Variants in TRIM25 observed in about 807,000 individuals in gnomAD.
TRIM25 encodes the protein tripartite motif containing 25.
In TRIM25, 45 loss-of-function variants were observed where a neutral mutation model predicts 65.2. The ratio of observed to expected loss-of-function variants is 0.69; its 90% CI spans 0.54 to 0.89. The LOEUF is 0.89. TRIM25 is among the 40% of genes least tolerant of loss of function. The pLI is 0.00. For synonymous variants in TRIM25, 321 were observed against 340.4 expected (o/e 0.94, Z 0.63); for missense variants, 714 against 803.7 (o/e 0.89, Z 1.35).
chr17:56,908,363 G>T, intron 2 of TRIM25, 105 bp downstream of exon 2: 2 of 1,064,500 alleles, frequency 1.9e-6, no homozygotes. Context: ...GACACTGTGA[G>T]TGCACCCAAC....
chr17:56,909,682 C>CT, intron 1 of TRIM25, among the ~76,000 whole-genome samples: 1 of 66,336 alleles, frequency 1.5e-5, no homozygotes, highest in Non-Finnish European at 2.9e-5. Context: ...GAGACCCTGT[C>CT]TCAAAAAAAA....
At chr17:56,895,781 C>A in intron 6 of TRIM25, 145 bp downstream of exon 6, 1 of 1,240,192 alleles carries the variant, frequency 8.1e-7, no homozygotes, top group South Asian at 1.5e-5. Flanking sequence ...TCCCCTCCAG[C>A]CTCAGGCCTG....
intron 3 of TRIM25, among the ~76,000 whole-genome samples, chr17:56,901,913 G>A (rs1909419957): frequency 6.6e-6 from 1 of 152,118 alleles, no homozygotes; most frequent in Non-Finnish European, 1.5e-5. Flanking sequence ...TCCAGCTAAA[G>A]GTGGAAAAGC....
rs1567837518 is a variant in TRIM25 at position 56,892,185 on chromosome 17, C to T, written c.1408G>A (p.Val470Met). 2 of 1,611,134 alleles carry T rather than the reference C, an allele frequency of 1.2e-6. No individual in the cohort carries two copies. The highest frequency in any genetic ancestry group is 2.2e-5 in the East Asian group (1 of 44,756). The part of the protein sequence containing the change: ...ILDYNTAHNK[V>M]ALSECYTVAS... ...ACTGTATAGCACTCTGACAGAGCCA[C>T]TTTGTTGTGGGCGGTGTTGTAGTCC... Residue 470 changes from valine to methionine, a missense_variant, in exon 9 of 9, where the codon GTG (valine) becomes ATG (methionine). By Grantham distance (21) the Val-to-Met change is conservative. Coordinates refer to ENST00000316881, the MANE Select transcript of TRIM25 (RefSeq NM_005082.5).
chr17:56,895,272 A>T, intron 8 of TRIM25, 71 bp downstream of exon 8: 1 of 1,269,738 alleles, frequency 7.9e-7, no homozygotes, highest in Non-Finnish European at 1.1e-6. Flanking sequence ...CTGGCCTCAC[A>T]GAGAGCTGCA....
chr17:56,897,343 T>A (rs1214667912), intron 5 of TRIM25, among the ~76,000 whole-genome samples: 2 of 152,054 alleles, frequency 1.3e-5, no homozygotes, highest in African/African-American at 4.8e-5. Flanking sequence ...CACCTGACAT[T>A]ACAGATAAGC....
intron 4 of TRIM25, among the ~76,000 whole-genome samples, chr17:56,899,897 T>C (rs1442740009): frequency 1.3e-5 from 2 of 152,166 alleles, no homozygotes; most frequent in Non-Finnish European, 2.9e-5. Flanking sequence ...CTGGACAACT[T>C]AGCGAGACCC....
At position 56,913,020 on chromosome 17, in the gene TRIM25, G is replaced by T. The variant is rs1291920115; in HGVS notation, c.597+372C>A. On this transcript the variant is annotated intron_variant, in intron 1 of 8. Coordinates refer to ENST00000316881, the MANE Select transcript of TRIM25 (RefSeq NM_005082.5). The surrounding 1 kb of genome is among the most constrained non-coding windows in gnomAD (Gnocchi z 6.1). ...GGTCCCAGCTACTTGGGAGGCTGTG[G>T]TCCCAGCTACTCTTGAGGCTGAGGT... 5.9e-6 allele frequency: 1 copy of T among 169,710 alleles called. No individual in the cohort carries two copies. The highest frequency in any genetic ancestry group is 1.3e-5 in the Non-Finnish European group (1 of 79,938). The allele number at this position is 169,710 out of a possible 1,614,324, so 10.5% of individuals were successfully genotyped here. A position where few individuals can be genotyped will look rare whatever the true frequency, so the allele number is the denominator to read the frequency against.
At position 56,913,504 on chromosome 17, in the gene TRIM25, C is replaced by A; in HGVS notation, c.485G>T (p.Arg162Leu). The change falls in exon 1 of 9, where the codon CGG becomes CTG. Residue 162 changes from arginine (R) to leucine (L), a missense_variant. Coordinates refer to ENST00000316881, the MANE Select transcript of TRIM25 (RefSeq NM_005082.5). The surrounding 1 kb of genome is among the most constrained non-coding windows in gnomAD (Gnocchi z 6.1). Reference protein sequence around the residue: ...LLRRKCSQHNRLREFFCPEHS... With the variant: ...LLRRKCSQHNLLREFFCPEHS... ...CTCGGGGCAGAAAAATTCCCGCAGCCGATTGTGCTGGGAACATTTGCGGCG... is the reference window on the plus strand; with the variant it reads ...CTCGGGGCAGAAAAATTCCCGCAGCAGATTGTGCTGGGAACATTTGCGGCG... 1 of 1,613,690 alleles carries A rather than the reference C, an allele frequency of 6.2e-7. No individual in the cohort carries two copies. The highest frequency in any genetic ancestry group is 8.5e-7 in the Non-Finnish European group (1 of 1,179,778).
chr17:56,899,623 C>T (rs891528858), intron 4 of TRIM25, among the ~76,000 whole-genome samples: 14 of 152,194 alleles, frequency 9.2e-5, no homozygotes, highest in Non-Finnish European at 1.9e-4. Flanking sequence ...TTTGCCCCCA[C>T]GCAGCACTTC....
intron 1 of TRIM25, among the ~76,000 whole-genome samples, chr17:56,911,626 C>T (rs536027632): frequency 9.9e-5 from 15 of 151,224 alleles, no homozygotes; most frequent in Non-Finnish European, 2.2e-4. Flanking sequence ...CATGGTAGCA[C>T]ACCTGTAGTT....
intron 8 of TRIM25, among the ~76,000 whole-genome samples, 156 bp from the exon 9 acceptor site, chr17:56,892,385 C>T (rs1208053110): frequency 6.6e-6 from 1 of 152,162 alleles, no homozygotes; most frequent in African/African-American, 2.4e-5. Flanking sequence ...ATCTGTCTGT[C>T]TATTCATCCA....
chr17:56,911,503 T>G (rs1053407076), intron 1 of TRIM25, among the ~76,000 whole-genome samples: 7 of 150,316 alleles, frequency 4.7e-5, no homozygotes, highest in African/African-American at 1.7e-4. Flanking sequence ...TCGCTTGAAC[T>G]CGGGAGGTGG....
rs537844316 is a variant in TRIM25 at position 56,900,471 on chromosome 17, G to A, written c.1087+948C>T. 1.2e-4 allele frequency among the ~76,000 whole-genome samples: 18 copies of A among 152,270 alleles called. No individual in the cohort carries two copies. The South Asian group carries it at 2.1e-3, about 18-fold the overall frequency. On this transcript the variant is annotated intron_variant, in intron 4 of 8. Coordinates refer to ENST00000316881, the MANE Select transcript of TRIM25 (RefSeq NM_005082.5). ...ATACGGGGATCCCAAGGAAGAATGC[G>A]ATACTACCCATGCAAGAGTCCCAAG...
intron 3 of TRIM25, among the ~76,000 whole-genome samples, chr17:56,903,851 G>A (rs1909464099): frequency 6.6e-6 from 1 of 152,172 alleles, no homozygotes; most frequent in Admixed American, 6.5e-5. Context: ...ATCAATCTGA[G>A]AGACAGCCAG....
At chr17:56,896,966 A>G (rs1342608611) in intron 5 of TRIM25, among the ~76,000 whole-genome samples, 1 of 151,996 alleles carries the variant, frequency 6.6e-6, no homozygotes, top group East Asian at 1.9e-4. Flanking sequence ...TGTTTTAATT[A>G]GCCTGGCTTA....
Position 56,889,656 on chromosome 17 carries a change from G to A in TRIM25, c.*2044C>T. ...CTATCCTGAGCTGCACATTTGCCAGGGAAGTGGCCTCACTGTTGCCCTCAT... is the reference window on the plus strand; with the variant it reads ...CTATCCTGAGCTGCACATTTGCCAGAGAAGTGGCCTCACTGTTGCCCTCAT... On this transcript the variant is annotated 3_prime_UTR_variant, in exon 9 of 9. Coordinates refer to ENST00000316881, the MANE Select transcript of TRIM25 (RefSeq NM_005082.5). 2.5e-6 allele frequency: 1 copy of A among 398,168 alleles called. No individual in the cohort carries two copies. The highest frequency in any genetic ancestry group is 4.4e-6 in the Non-Finnish European group (1 of 225,940). 24.7% of individuals were successfully genotyped at this position (398,168 alleles called of 1,614,324 possible).
At chr17:56,895,716 C>G in intron 6 of TRIM25, 112 bp from the exon 7 acceptor site, 1 of 1,268,118 alleles carries the variant, frequency 7.9e-7, no homozygotes, top group Non-Finnish European at 1.1e-6. Context: ...CAGGACAACA[C>G]AGGGGAAAAC....
At chr17:56,899,524 C>G (rs930066758) in intron 4 of TRIM25, among the ~76,000 whole-genome samples, 9 of 152,182 alleles carry the variant, frequency 5.9e-5, no homozygotes, top group African/African-American at 2.2e-4. Flanking sequence ...TGAATGAGAT[C>G]AAGGTCATGT....
Sources: allele counts gnomAD v4.1 joint callset (sites outside exome capture counted in the v4.1 genomes callset), GRCh38; gene constraint gnomAD v4.1.1; non-coding constraint Gnocchi (gnomAD v3.1); transcripts MANE v1.5; gene names NCBI Gene and HGNC (gene_info 2026-07-23, HGNC 2026-07-21).